UNC79: variants seen among roughly 807,000 people sequenced by gnomAD.
UNC79 encodes the protein protein unc-79 homolog.
A neutral mutation model predicts 283.1 loss-of-function variants in UNC79; 37 were observed. The observed-to-expected ratio is 0.13, with a 90% confidence interval of 0.10 to 0.17. The LOEUF (loss-of-function observed/expected upper bound fraction) is 0.17, where lower values mean the gene tolerates loss of function less well. Ranked by LOEUF, UNC79 falls within the 10% of genes least tolerant of loss-of-function variation. The probability of loss-of-function intolerance (pLI) is 1.00; values close to 1 mark genes in which losing one functional copy is unlikely to be tolerated. For missense variants in UNC79, 2,272 were observed against 3,211.1 expected (o/e 0.71, Z 7.07); for synonymous variants, 1,107 against 1,200.2 (o/e 0.92, Z 1.61).
intron 1 of UNC79, among the ~76,000 whole-genome samples, chr14:93,390,209 G>GA (rs1351933926): frequency 1.3e-5 from 2 of 152,032 alleles, no homozygotes; most frequent in Non-Finnish European, 2.9e-5. Context: ...GATTAAAGCA[G>GA]AAAAAATATC....
In UNC79 at chr14:93,467,664, T is replaced by TTTTTTTTTTTTATATTTTTTTAAAAA; in HGVS notation, c.23-7_23-6insTTTTTTTTTTTATATTTTTTTAAAAA. The TTTTTTTTTTTTATATTTTTTTAAAAA allele has an allele frequency of 8.2e-7, 1 of 1,224,140 alleles. No individual in the cohort carries two copies. The highest frequency in any genetic ancestry group is 1.0e-6 in the Non-Finnish European group (1 of 979,752). 75.8% of individuals were successfully genotyped at this position (1,224,140 alleles called of 1,614,324 possible). The stretch of plus-strand genomic sequence containing the variant: ...TTTTTTTTTTTTTTTTTTTTGCTTT[T>TTTTTTTTTTTTATATTTTTTTAAAAA]ATCTAGTTGCTTCCAAGATCCGGTA... On this transcript the variant is annotated splice_region_variant and splice_polypyrimidine_tract_variant and intron_variant, in intron 1 of 48. Coordinates refer to ENST00000555664, the Ensembl canonical transcript of UNC79.
intron 1 of UNC79, chr14:93,348,101 A>G: frequency 6.2e-7 from 1 of 1,606,836 alleles, no homozygotes; most frequent in Non-Finnish European, 8.5e-7. Context: ...GGCAACCTGA[A>G]GCAGTTCAGA....
chr14:93,560,960 T>G (rs2062510766), intron 14 of UNC79, among the ~76,000 whole-genome samples: 1 of 152,150 alleles, frequency 6.6e-6, no homozygotes, highest in Non-Finnish European at 1.5e-5. Flanking sequence ...AACCTTTCAC[T>G]GTTATTTATG....
Position 93,340,007 on chromosome 14 carries a change from A to G in UNC79, c.-351+6484A>G, listed in dbSNP as rs183157358. Among the ~76,000 whole-genome samples the G allele has an allele frequency of 4.6e-5, 7 of 152,336 alleles. No individual in the cohort carries two copies. In the East Asian group the frequency reaches 1.2e-3, roughly 25 times the overall value. On this transcript the variant is annotated intron_variant, in intron 1 of 49. Transcript: ENST00000256339. ...TCATGGCTTTCGTGATTGAATAAGC[A>G]TCAAAAAATGTTTGACCTTGTAGAA...
intron 23 of UNC79, among the ~76,000 whole-genome samples, chr14:93,596,894 G>C (rs1230890805): frequency 6.6e-6 from 1 of 152,176 alleles, no homozygotes; most frequent in African/African-American, 2.4e-5. Context: ...TGTCTATTTG[G>C]TCTGCCATTT....
At chr14:93,551,329 G>GT (rs1352781775) in intron 14 of UNC79, among the ~76,000 whole-genome samples, 1 of 152,216 alleles carries the variant, frequency 6.6e-6, no homozygotes, top group Non-Finnish European at 1.5e-5. Context: ...GATTACAGGC[G>GT]TAAGCCACCG....
chr14:93,523,935 A>G (rs769914893), intron 7 of UNC79, 43 bp from the exon 8 acceptor site: 1 of 1,603,828 alleles, frequency 6.2e-7, no homozygotes, highest in Admixed American at 1.7e-5. Flanking sequence ...GGGCATGAAT[A>G]ATTTCAATGA....
intron 1 of UNC79, among the ~76,000 whole-genome samples, chr14:93,465,662 T>C (rs1278401657): frequency 6.6e-6 from 1 of 152,202 alleles, no homozygotes; most frequent in Non-Finnish European, 1.5e-5. Flanking sequence ...GTAGTGATGG[T>C]TTTATAGCTC....
At chr14:93,563,694 G>C (rs2062701628) in intron 14 of UNC79, among the ~76,000 whole-genome samples, 1 of 152,116 alleles carries the variant, frequency 6.6e-6, no homozygotes, top group Admixed American at 6.5e-5. Context: ...TCAGGGTGAG[G>C]AACAGGAAAG....
chr14:93,348,789 G>C (rs539621477), intron 1 of UNC79, among the ~76,000 whole-genome samples: 50 of 152,276 alleles, frequency 3.3e-4, no homozygotes, highest in African/African-American at 1.2e-3. Context: ...CTGAGTCTTG[G>C]TTTCCTTATC....
chr14:93,385,138 G>A (rs1000521223), intron 1 of UNC79, among the ~76,000 whole-genome samples: 4 of 152,130 alleles, frequency 2.6e-5, no homozygotes, highest in Non-Finnish European at 5.9e-5. Flanking sequence ...TTTTTGCTTA[G>A]GATAGCTTTG....
intron 1 of UNC79, among the ~76,000 whole-genome samples, chr14:93,367,192 TAATAA>T (rs1198861748): frequency 1.8e-4 from 28 of 152,134 alleles, no homozygotes; most frequent in African/African-American, 6.7e-4. Context: ...AAAATAAAAA[TAATAA>T]AATAGTAAAA....
chr14:93,466,249 G>C (rs1355718329), intron 1 of UNC79, among the ~76,000 whole-genome samples: 2 of 152,220 alleles, frequency 1.3e-5, no homozygotes, highest in Admixed American at 6.5e-5. Flanking sequence ...GTGGAAGAGA[G>C]AAAAGGCAAA....
intron 14 of UNC79, among the ~76,000 whole-genome samples, chr14:93,556,636 G>C (rs946036046): frequency 4.0e-5 from 6 of 151,656 alleles, no homozygotes; most frequent in African/African-American, 1.5e-4. Context: ...CAGTGAGGGC[G>C]TGTGTGCCAG....
At position 93,543,210 on chromosome 14, in the gene UNC79, A is replaced by G. The variant is rs530125181; in HGVS notation, c.1755+514A>G. On this transcript the variant is annotated intron_variant, in intron 14 of 48. Transcript: ENST00000555664. Reference sequence around the variant, plus strand: ...TTTCTTTTTTTAATCATGTATATATATATATACAGGTTAATGGTAGAAGTC... The same window carrying G: ...TTTCTTTTTTTAATCATGTATATATGTATATACAGGTTAATGGTAGAAGTC... 1.5e-4 allele frequency among the ~76,000 whole-genome samples: 23 copies of G among 151,480 alleles called. 1 individual carries two copies. The East Asian group carries it at 4.1e-3, about 27-fold the overall frequency.
At chr14:93,480,311 T>C (rs2058061357) in intron 4 of UNC79, among the ~76,000 whole-genome samples, 1 of 152,226 alleles carries the variant, frequency 6.6e-6, no homozygotes, top group Non-Finnish European at 1.5e-5. Context: ...TCCCATTTTT[T>C]TTAACTATAA....
downstream of UNC79, chr14:93,707,095 C>T (rs185770790): frequency 1.4e-3 from 743 of 540,192 alleles, 1 homozygote; most frequent in Non-Finnish European, 1.8e-3. Flanking sequence ...CTGATGACTC[C>T]TTGGGCTATC....
intron 31 of UNC79, among the ~76,000 whole-genome samples, chr14:93,631,801 C>A (rs1352567639): frequency 6.6e-6 from 1 of 152,228 alleles, no homozygotes; most frequent in Non-Finnish European, 1.5e-5. Flanking sequence ...CATTCAGCAA[C>A]TATTTACTAA....
In UNC79 at chr14:93,474,101, C is replaced by G; in HGVS notation, c.156C>G (p.Arg52=). 2.6e-6 allele frequency: 4 copies of G among 1,535,146 alleles called. No homozygotes were observed. The highest frequency in any genetic ancestry group is 3.5e-6 in the Non-Finnish European group (4 of 1,146,232). Residue 52 remains arginine (R), a synonymous_variant, in exon 3 of 49, where the codon CGC becomes CGG. Transcript: ENST00000555664. This position sits in a 1 kb window ranked among gnomAD's most constrained non-coding sequence, Gnocchi z 4.1. ...GTCCCCCCAACAGCATTTTGTCCCGCACAGGGAAGAAGGAAAACCAAGATG... is the reference window on the plus strand; with the variant it reads ...GTCCCCCCAACAGCATTTTGTCCCGGACAGGGAAGAAGGAAAACCAAGATG...
Sources: gnomAD v4.1 joint callset for allele counts (sites outside exome capture counted in the v4.1 genomes callset) on GRCh38, gnomAD v4.1.1 for gene constraint, Gnocchi (gnomAD v3.1) non-coding constraint, MANE v1.5 for transcripts, NCBI Gene and HGNC (gene_info 2026-07-23, HGNC 2026-07-21) for gene names.